The following DCDC2 variants were observed in gnomAD, a reference collection of about 807,000 sequenced individuals.
The protein encoded by DCDC2 is doublecortin domain-containing protein 2.
A neutral mutation model predicts 50.2 loss-of-function variants in DCDC2; 40 were observed. The observed-to-expected ratio is 0.80, with a 90% CI of 0.62 to 1.04. DCDC2 has a LOEUF of 1.04. DCDC2 is among the 50% of genes least tolerant of loss of function. The probability of loss-of-function intolerance (pLI) is 0.00; values close to 1 mark genes in which losing one functional copy is unlikely to be tolerated. For missense variants in DCDC2, 570 were observed against 581.9 expected, an observed-to-expected ratio of 0.98 and a Z score of 0.21; for synonymous variants, 234 against 210.6, an observed-to-expected ratio of 1.11 and a Z score of -0.96.
intron 7 of DCDC2, among the ~76,000 whole-genome samples, chr6:24,258,017 G>A (rs755511455): frequency 1.3e-5 from 2 of 152,170 alleles, no homozygotes; most frequent in African/African-American, 4.8e-5. Flanking sequence ...GAGGAGACAC[G>A]GAGGGGATTA....
the DCDC2 span, among the ~76,000 whole-genome samples, chr6:24,364,575 T>C: frequency 6.6e-6 from 1 of 152,264 alleles, no homozygotes; most frequent in Non-Finnish European, 1.5e-5. Flanking sequence ...TATTCATCAA[T>C]GTCTTACTAG....
chr6:24,178,482 G>C lies in DCDC2; in HGVS notation c.1174C>G (p.Leu392Val), dbSNP rs1181609743. 22 of 1,614,136 alleles carry C rather than the reference G, an allele frequency of 1.4e-5. No homozygotes were observed. Among genetic ancestry groups the C allele is most frequent in the Non-Finnish European group, 1.9e-5 (22 of 1,180,042 alleles). The change falls in exon 9 of 10, where the codon CTG (leucine) becomes GTG (valine). Residue 392 changes from leucine (L) to valine (V), a missense_variant. Physicochemically the swap from Leu to Val is conservative, Grantham distance 32. Transcript: ENST00000378454. ...CGTGCCTGCTGCTCACTGTGATCCA[G>C]AATCTCCTCGACTTGCTCAGGGGCA... ...TDAPEQVEEI[L>V]DHSEQQARPA...
chr6:24,198,782 A>G (rs1248209724), intron 8 of DCDC2, among the ~76,000 whole-genome samples: 1 of 152,184 alleles, frequency 6.6e-6, no homozygotes, highest in Non-Finnish European at 1.5e-5. Context: ...CTGCAAGCAC[A>G]GCAGTCTGAA....
chr6:24,231,440 A>G (rs894518436), intron 7 of DCDC2, among the ~76,000 whole-genome samples: 1 of 152,174 alleles, frequency 6.6e-6, no homozygotes, highest in African/African-American at 2.4e-5. Flanking sequence ...TTCTCTGGAA[A>G]AATTACTGCA....
chr6:24,333,020 T>A (rs901831797), intron 2 of DCDC2, among the ~76,000 whole-genome samples: 1 of 152,152 alleles, frequency 6.6e-6, no homozygotes, highest in Non-Finnish European at 1.5e-5. Flanking sequence ...ACTGACCTAG[T>A]TAGGAAAATC....
At chr6:24,327,513 G>T (rs1362037230) in intron 2 of DCDC2, among the ~76,000 whole-genome samples, 4 of 143,312 alleles carry the variant, frequency 2.8e-5, no homozygotes, top group Non-Finnish European at 6.1e-5. Context: ...TGCTCTTGTT[G>T]CCCAGGCTGG....
chr6:24,291,733 C>G (rs1763757115), intron 4 of DCDC2, among the ~76,000 whole-genome samples: 1 of 152,054 alleles, frequency 6.6e-6, no homozygotes, highest in South Asian at 2.1e-4. Flanking sequence ...GATCCGCCCG[C>G]CTCGGCCTCC....
At chr6:24,368,951 T>C in the DCDC2 span, among the ~76,000 whole-genome samples, 1 of 151,992 alleles carries the variant, frequency 6.6e-6, no homozygotes, top group Non-Finnish European at 1.5e-5. Flanking sequence ...TTGGCCAACA[T>C]GGCGAAACCC....
chr6:24,354,144 T>C (rs1760424316), intron 1 of DCDC2, among the ~76,000 whole-genome samples: 1 of 152,122 alleles, frequency 6.6e-6, no homozygotes, highest in Non-Finnish European at 1.5e-5. Context: ...AACAGATGGG[T>C]GGACTAGTTA....
chr6:24,279,616 T>G lies in DCDC2; in HGVS notation c.760-1405A>C, dbSNP rs1288474785. 4.0e-5 allele frequency among the ~76,000 whole-genome samples: 6 copies of G among 151,812 alleles called. No homozygotes were observed. The South Asian group carries it at 8.3e-4, about 21-fold the overall frequency. On this transcript the variant is annotated intron_variant, in intron 6 of 9. Transcript: ENST00000378454. ...AAAAAAGAGAAAAAGAACAAGAAAC[T>G]CCCTTACTAAGGCAGCCTTGGCTCT...
In DCDC2 at chr6:24,291,176, T is replaced by G. The variant is rs557438092; in HGVS notation, c.558-98A>C. On this transcript the variant is annotated intron_variant, in intron 4 of 9. Transcript: ENST00000378454. ...TTCTGGATGTCAAAAAAATTAAAATTACATAGTAAATAAAAACATTCTGTA... is the reference window on the plus strand; with the variant it reads ...TTCTGGATGTCAAAAAAATTAAAATGACATAGTAAATAAAAACATTCTGTA... The G allele has an allele frequency of 4.4e-5, 53 of 1,214,648 alleles. No individual in the cohort carries two copies. The African/African-American group carries it at 7.7e-4, about 18-fold the overall frequency. 75.2% of individuals were successfully genotyped at this position (1,214,648 alleles called of 1,614,324 possible).
At chr6:24,299,139 A>G (rs991377731) in intron 4 of DCDC2, among the ~76,000 whole-genome samples, 2 of 152,216 alleles carry the variant, frequency 1.3e-5, no homozygotes, top group Non-Finnish European at 2.9e-5. Context: ...TATATACACC[A>G]TGGAATACTA....
At chr6:24,275,265 T>C (rs1345035222) in intron 7 of DCDC2, among the ~76,000 whole-genome samples, 1 of 152,164 alleles carries the variant, frequency 6.6e-6, no homozygotes, top group South Asian at 2.1e-4. Context: ...ACTTTTGATA[T>C]TATAATCTGG....
intron 7 of DCDC2, among the ~76,000 whole-genome samples, chr6:24,259,607 G>A (rs977349367): frequency 5.3e-5 from 8 of 152,126 alleles, no homozygotes; most frequent in Non-Finnish European, 1.2e-4. Flanking sequence ...TTTCCAATTT[G>A]AAGGATTAAT....
upstream of DCDC2, among the ~76,000 whole-genome samples, chr6:24,358,864 T>TA (rs1760547961): frequency 4.8e-5 from 2 of 41,822 alleles, no homozygotes; most frequent in Non-Finnish European, 7.4e-5. Context: ...ATATAATATA[T>TA]ATAATATATA....
intron 8 of DCDC2, among the ~76,000 whole-genome samples, chr6:24,203,654 G>A (rs528908467): frequency 9.2e-5 from 14 of 152,134 alleles, no homozygotes; most frequent in African/African-American, 1.4e-4. Context: ...TAATTAAACT[G>A]AAGAGCTTCT....
chr6:24,358,891 A>ATT (rs1561788431), upstream of DCDC2, among the ~76,000 whole-genome samples: 371 of 21,142 alleles, frequency 0.018, 26 homozygotes, highest in African/African-American at 0.091. Context: ...ATATATATTT[A>ATT]TATATATAAT....
intron 2 of DCDC2, among the ~76,000 whole-genome samples, chr6:24,352,693 A>C (rs1301391010): frequency 2.6e-5 from 4 of 152,154 alleles, no homozygotes; most frequent in Non-Finnish European, 5.9e-5. Context: ...ATGATGTGAG[A>C]GGAAATGGTG....
chr6:24,369,812 G>A, the DCDC2 span, among the ~76,000 whole-genome samples: 1 of 152,090 alleles, frequency 6.6e-6, no homozygotes, highest in African/African-American at 2.4e-5. Flanking sequence ...GGCTGAGGTG[G>A]GAAGATCACT....
Sources: gnomAD v4.1 joint callset for allele counts (sites outside exome capture counted in the v4.1 genomes callset) on GRCh38, gnomAD v4.1.1 for gene constraint, MANE v1.5 for transcripts, NCBI Gene and HGNC (gene_info 2026-07-23, HGNC 2026-07-21) for gene names.